Variants in CLIC4 observed in about 807,000 individuals in gnomAD.
CLIC4 encodes chloride intracellular channel protein 4.
A neutral mutation model predicts 24.6 loss-of-function variants in CLIC4; 13 were observed. That is an observed-to-expected ratio of 0.53 (90% confidence interval 0.34 to 0.84). CLIC4 has a LOEUF of 0.84. Ranked by LOEUF, CLIC4 falls within the 40% of genes least tolerant of loss-of-function variation. CLIC4 has a pLI of 0.01. For synonymous variants in CLIC4, 104 were observed against 111.3 expected, an observed-to-expected ratio of 0.93 and a Z score of 0.41; for missense variants, 227 against 301.7, an observed-to-expected ratio of 0.75 and a Z score of 1.83.
intron 3 of CLIC4, among the ~76,000 whole-genome samples, chr1:24,825,791 T>C (rs949536049): frequency 7.9e-5 from 12 of 152,362 alleles, no homozygotes; most frequent in Middle Eastern, 3.4e-3. Context: ...AACTTGCAAC[T>C]GAACTGAATT....
Position 24,808,365 on chromosome 1 carries a change from A to G in CLIC4, c.183-5729A>G, listed in dbSNP as rs142316373. On this transcript the variant is annotated intron_variant, in intron 2 of 5. Transcript: ENST00000374379. Reference sequence around the variant, plus strand: ...ATAGTATTTGCATATTAACCTACAAATAGCCTCCCATATACTTTAAATCAT... The same window carrying G: ...ATAGTATTTGCATATTAACCTACAAGTAGCCTCCCATATACTTTAAATCAT... 1.3e-3 allele frequency among the ~76,000 whole-genome samples: 202 copies of G among 152,284 alleles called. 1 individual carries two copies. Among genetic ancestry groups the G allele is most frequent in the African/African-American group, 4.6e-3 (192 of 41,566 alleles).
At chr1:24,759,904 TAA>T (rs1274807756) in intron 1 of CLIC4, among the ~76,000 whole-genome samples, 2 of 151,882 alleles carry the variant, frequency 1.3e-5, no homozygotes, top group Non-Finnish European at 2.9e-5. Context: ...CAGTGAGTAG[TAA>T]TCCATAATCG....
At chr1:24,782,617 G>A (rs939842332) in intron 1 of CLIC4, among the ~76,000 whole-genome samples, 4 of 152,088 alleles carry the variant, frequency 2.6e-5, no homozygotes, top group Non-Finnish European at 5.9e-5. Context: ...AAACTATTAG[G>A]ACTGAAGTGG....
intron 2 of CLIC4, among the ~76,000 whole-genome samples, chr1:24,805,251 A>G (rs1424316122): frequency 6.6e-6 from 1 of 152,140 alleles, no homozygotes; most frequent in Admixed American, 6.6e-5. Flanking sequence ...CAAATCAGTA[A>G]AATTCTTTAA....
intron 1 of CLIC4, among the ~76,000 whole-genome samples, chr1:24,782,246 T>C (rs1225618973): frequency 6.6e-6 from 1 of 152,110 alleles, no homozygotes; most frequent in Non-Finnish European, 1.5e-5. Flanking sequence ...AAAACCATGA[T>C]TTATTGGGAG....
intron 1 of CLIC4, among the ~76,000 whole-genome samples, chr1:24,758,140 T>C (rs1240697608): frequency 6.6e-6 from 1 of 152,196 alleles, no homozygotes; most frequent in Non-Finnish European, 1.5e-5. Flanking sequence ...CTTTCTAGTA[T>C]ATTCATTGTG....
At chr1:24,754,806 T>G (rs1239166293) in intron 1 of CLIC4, among the ~76,000 whole-genome samples, 1 of 152,112 alleles carries the variant, frequency 6.6e-6, no homozygotes, top group Admixed American at 6.6e-5. Flanking sequence ...CTGCCATGGC[T>G]CACACCTGTA....
At chr1:24,816,463 G>GA (rs937545054) in intron 3 of CLIC4, among the ~76,000 whole-genome samples, 1 of 151,906 alleles carries the variant, frequency 6.6e-6, no homozygotes, top group African/African-American at 2.4e-5. Flanking sequence ...GGCTGGTCTT[G>GA]AACTCCTGAC....
chr1:24,807,121 C>T (rs370747353), intron 2 of CLIC4, among the ~76,000 whole-genome samples: 4 of 151,584 alleles, frequency 2.6e-5, no homozygotes. Flanking sequence ...GAGAGAGAGA[C>T]CCCCATCTCT....
intron 1 of CLIC4, among the ~76,000 whole-genome samples, chr1:24,795,012 C>T (rs1190425028): frequency 6.6e-6 from 1 of 152,088 alleles, no homozygotes; most frequent in Admixed American, 6.5e-5. Context: ...GGTGTGTGGC[C>T]TTATTTCTGG....
intron 2 of CLIC4, among the ~76,000 whole-genome samples, chr1:24,803,973 A>G (rs1639518619): frequency 6.6e-6 from 1 of 152,196 alleles, no homozygotes; most frequent in Non-Finnish European, 1.5e-5. Context: ...AGTTCTGCAT[A>G]TCTTAAAAGG....
intron 2 of CLIC4, among the ~76,000 whole-genome samples, chr1:24,802,095 G>A (rs1639496414): frequency 6.6e-6 from 1 of 151,982 alleles, no homozygotes; most frequent in African/African-American, 2.4e-5. Flanking sequence ...TTCCATTTTT[G>A]GCTTGGAGCA....
At chr1:24,799,685 TCCGGGAGGGAGG>T in intron 2 of CLIC4, among the ~76,000 whole-genome samples, 1 of 121,344 alleles carries the variant, frequency 8.2e-6, no homozygotes, top group South Asian at 3.1e-4. Flanking sequence ...AGCCGCCCCG[TCCGGGAGGGAGG>T]TGGGGGGGTC....
At chr1:24,778,114 G>C (rs1425911045) in intron 1 of CLIC4, 1 of 152,178 alleles carries the variant, frequency 6.6e-6, no homozygotes, top group Non-Finnish European at 1.5e-5. Context: ...GGTTCTGTAA[G>C]AATCTTGAGA....
intron 1 of CLIC4, among the ~76,000 whole-genome samples, chr1:24,778,942 C>G: frequency 6.6e-6 from 1 of 152,158 alleles, no homozygotes; most frequent in East Asian, 1.9e-4. Flanking sequence ...AAACTCACGA[C>G]ATTAATTCCA....
chr1:24,823,348 C>T (rs918652933), intron 3 of CLIC4, among the ~76,000 whole-genome samples: 1 of 152,112 alleles, frequency 6.6e-6, no homozygotes, highest in Non-Finnish European at 1.5e-5. Context: ...TGCTAAAAAA[C>T]TTTGAGACTT....
intron 1 of CLIC4, among the ~76,000 whole-genome samples, chr1:24,795,860 G>A (rs928076445): frequency 6.6e-5 from 10 of 152,002 alleles, no homozygotes; most frequent in Admixed American, 3.3e-4. Flanking sequence ...CAGCCACTGC[G>A]CCCAGCCAGG....
At chr1:24,778,905 C>G (rs1399195041) in intron 1 of CLIC4, among the ~76,000 whole-genome samples, 1 of 152,130 alleles carries the variant, frequency 6.6e-6, no homozygotes, top group Non-Finnish European at 1.5e-5. Context: ...GCATATACTT[C>G]AAGCAAGTAA....
chr1:24,788,931 C>A lies in CLIC4; in HGVS notation c.73-8811C>A, dbSNP rs374293587. Among the ~76,000 whole-genome samples, 13 of 152,350 alleles carry A rather than the reference C, an allele frequency of 8.5e-5. No individual in the cohort carries two copies. In the South Asian group the frequency reaches 2.7e-3, roughly 32 times the overall value. On this transcript the variant is annotated intron_variant, in intron 1 of 5. Transcript: ENST00000374379. ...AATTACTGCTCTACTATAAACACCA[C>A]AGAAAAAGCTGTGGCTCCATCCTCA...
Sources: gnomAD v4.1 joint callset for allele counts (sites outside exome capture counted in the v4.1 genomes callset) on GRCh38, gnomAD v4.1.1 for gene constraint, MANE v1.5 for transcripts, NCBI Gene and HGNC (gene_info 2026-07-23, HGNC 2026-07-21) for gene names.